Variants in SSBP2 observed in about 807,000 individuals in gnomAD.
SSBP2 encodes single stranded DNA binding protein 2, also known as single-stranded DNA-binding protein 2.
SSBP2 carries 17 observed loss-of-function variants against 61.8 expected under a neutral mutation model. That is an observed-to-expected ratio of 0.28 (90% confidence interval 0.19 to 0.41). The LOEUF (loss-of-function observed/expected upper bound fraction) is 0.41, where lower values mean the gene tolerates loss of function less well. SSBP2 is among the 10% of genes least tolerant of loss of function. The pLI, the probability that SSBP2 is intolerant of heterozygous loss-of-function variation, is 1.00. For synonymous variants in SSBP2, 139 were observed against 141.3 expected, an observed-to-expected ratio of 0.98 and a Z score of 0.12; for missense variants, 310 against 458.7, an observed-to-expected ratio of 0.68 and a Z score of 2.96.
chr5:81,484,999 G>T (rs1253461921), intron 6 of SSBP2, among the ~76,000 whole-genome samples: 4 of 152,222 alleles, frequency 2.6e-5, no homozygotes, highest in African/African-American at 9.6e-5. Flanking sequence ...ATTATTTTTG[G>T]TGTCACTCAT....
At chr5:81,460,798 C>A (rs1418346324) in intron 10 of SSBP2, among the ~76,000 whole-genome samples, 1 of 152,026 alleles carries the variant, frequency 6.6e-6, no homozygotes, top group Non-Finnish European at 1.5e-5. Flanking sequence ...TTAAGTCACA[C>A]TATTTCAATT....
chr5:81,443,907 G>C (rs557020872), intron 12 of SSBP2, among the ~76,000 whole-genome samples: 3 of 152,158 alleles, frequency 2.0e-5, no homozygotes, highest in African/African-American at 7.2e-5. Context: ...TTTTTGTACT[G>C]ATTTGAGACA....
At chr5:81,565,474 G>A (rs915440199) in intron 4 of SSBP2, among the ~76,000 whole-genome samples, 3 of 152,022 alleles carry the variant, frequency 2.0e-5, no homozygotes, top group Non-Finnish European at 4.4e-5. Flanking sequence ...ATTTTATGAC[G>A]TGCCAAAACA....
chr5:81,635,040 T>A (rs1041390964), intron 3 of SSBP2, among the ~76,000 whole-genome samples: 6 of 152,214 alleles, frequency 3.9e-5, no homozygotes, highest in Non-Finnish European at 8.8e-5. Flanking sequence ...GTATCAAGCA[T>A]AGTATCTGGC....
At chr5:81,583,922 T>C (rs550581113) in intron 4 of SSBP2, among the ~76,000 whole-genome samples, 2 of 152,342 alleles carry the variant, frequency 1.3e-5, no homozygotes, top group South Asian at 4.1e-4. Context: ...ATACCCTAGA[T>C]GTTAAATATA....
intron 4 of SSBP2, among the ~76,000 whole-genome samples, chr5:81,586,626 C>CAAA (rs35214821): frequency 7.9e-4 from 90 of 114,246 alleles, no homozygotes; most frequent in Non-Finnish European, 1.4e-3. Flanking sequence ...CTGCAGTATG[C>CAAA]AAAAAAAAAA....
At chr5:81,635,191 T>C (rs1442620218) in intron 3 of SSBP2, among the ~76,000 whole-genome samples, 2 of 151,090 alleles carry the variant, frequency 1.3e-5, no homozygotes, top group Admixed American at 6.6e-5. Flanking sequence ...CAAAGAAATA[T>C]AAAGGTATGA....
intron 1 of SSBP2, among the ~76,000 whole-genome samples, chr5:81,718,164 A>C (rs1407020283): frequency 6.6e-6 from 1 of 152,210 alleles, no homozygotes; most frequent in Admixed American, 6.5e-5. Context: ...GTAGGGAAAG[A>C]AGCTCATAAC....
At chr5:81,671,533 G>C (rs1418410833) in intron 1 of SSBP2, among the ~76,000 whole-genome samples, 1 of 152,016 alleles carries the variant, frequency 6.6e-6, no homozygotes, top group East Asian at 1.9e-4. Context: ...GTACCATAAG[G>C]ATAATTCTAA....
At chr5:81,561,756 T>C (rs1031998242) in intron 4 of SSBP2, among the ~76,000 whole-genome samples, 1 of 152,188 alleles carries the variant, frequency 6.6e-6, no homozygotes. Context: ...AATTGTATAC[T>C]GTAAATGCCT....
chr5:81,591,162 A>G (rs1278180128), intron 4 of SSBP2, among the ~76,000 whole-genome samples: 3 of 152,234 alleles, frequency 2.0e-5, no homozygotes, highest in Non-Finnish European at 4.4e-5. Flanking sequence ...CTAGCAAACC[A>G]GCCTCCATCC....
intron 1 of SSBP2, among the ~76,000 whole-genome samples, chr5:81,738,004 A>G (rs1756738732): frequency 6.6e-6 from 1 of 152,114 alleles, no homozygotes; most frequent in Non-Finnish European, 1.5e-5. Context: ...CCGAACTTCC[A>G]TCTCTGATTT....
chr5:81,703,982 G>A (rs1280376829), intron 1 of SSBP2, among the ~76,000 whole-genome samples: 2 of 152,172 alleles, frequency 1.3e-5, no homozygotes, highest in African/African-American at 4.8e-5. Context: ...CTTTACTGCT[G>A]CTTTAGTCCC....
intron 3 of SSBP2, chr5:81,616,634 C>A: frequency 7.0e-6 from 1 of 143,000 alleles, no homozygotes; most frequent in South Asian, 2.4e-4. Context: ...TCTGTAGGCT[C>A]CACCTCTGGG....
intron 5 of SSBP2, among the ~76,000 whole-genome samples, chr5:81,493,736 G>A (rs1244079190): frequency 2.0e-5 from 3 of 151,344 alleles, no homozygotes; most frequent in African/African-American, 7.3e-5. Context: ...AGCCTGGGTG[G>A]CAGGGTGAGA....
chr5:81,744,628 G>A (rs1020299256), intron 1 of SSBP2, among the ~76,000 whole-genome samples: 5 of 151,400 alleles, frequency 3.3e-5, no homozygotes, highest in African/African-American at 1.2e-4. Flanking sequence ...AAAAACAAAG[G>A]GCTATATTTT....
chr5:81,532,453 T>G (rs754648754), intron 4 of SSBP2, among the ~76,000 whole-genome samples: 2 of 151,612 alleles, frequency 1.3e-5, no homozygotes, highest in Non-Finnish European at 2.9e-5. Context: ...GACGTATACC[T>G]AACAGTAGAG....
At chr5:81,500,249 TG>T (rs1767600537) in intron 5 of SSBP2, among the ~76,000 whole-genome samples, 1 of 152,198 alleles carries the variant, frequency 6.6e-6, no homozygotes, top group African/African-American at 2.4e-5. Flanking sequence ...AGTCTTGCTT[TG>T]TTGCCCAGGC....
chr5:81,437,033 G>T (rs1762716049), intron 15 of SSBP2, among the ~76,000 whole-genome samples: 1 of 152,068 alleles, frequency 6.6e-6, no homozygotes, highest in Non-Finnish European at 1.5e-5. Flanking sequence ...ATGCCTTTAT[G>T]ATATATAATA....
Sources: allele counts gnomAD v4.1 joint callset (sites outside exome capture counted in the v4.1 genomes callset), GRCh38; gene constraint gnomAD v4.1.1; transcripts MANE v1.5; gene names NCBI Gene and HGNC (gene_info 2026-07-23, HGNC 2026-07-21).